The following SORCS2 variants were observed in gnomAD, a reference collection of about 807,000 sequenced individuals.
The protein encoded by SORCS2 is sortilin related VPS10 domain containing receptor 2, also known as VPS10 domain-containing receptor SorCS2.
A neutral mutation model predicts 141.6 loss-of-function variants in SORCS2; 100 were observed. The observed-to-expected ratio is 0.71, with a 90% CI of 0.60 to 0.83. SORCS2 has a LOEUF of 0.83. Ranked by LOEUF, SORCS2 falls within the 40% of genes least tolerant of loss-of-function variation. SORCS2 has a pLI of 0.00. For synonymous variants in SORCS2, 789 were observed against 676.9 expected (o/e 1.17, Z -2.57); for missense variants, 1,646 against 1,560.2 (o/e 1.05, Z -0.93).
chr4:7,693,870 C>T (rs1235275899), intron 11 of SORCS2, among the ~76,000 whole-genome samples: 1 of 152,242 alleles, frequency 6.6e-6, no homozygotes, highest in Non-Finnish European at 1.5e-5. Context: ...GCCCTTGGGC[C>T]TGGCTGAGGG....
At chr4:7,513,861 T>C (rs1464965840) in intron 2 of SORCS2, among the ~76,000 whole-genome samples, 2 of 152,196 alleles carry the variant, frequency 1.3e-5, no homozygotes, top group African/African-American at 4.8e-5. Context: ...TTCCCCGCCT[T>C]TGGTTTGCTT....
intron 3 of SORCS2, among the ~76,000 whole-genome samples, chr4:7,583,921 C>G (rs555560429): frequency 6.6e-6 from 1 of 152,194 alleles, no homozygotes; most frequent in Non-Finnish European, 1.5e-5. Context: ...AGACCAGAGT[C>G]CTGCCTCTAA....
chr4:7,333,933 C>T (rs191794488), intron 1 of SORCS2, among the ~76,000 whole-genome samples: 2 of 151,998 alleles, frequency 1.3e-5, no homozygotes, highest in Admixed American at 1.3e-4. Context: ...GGCCTCTGAT[C>T]CCGCTTCTCC....
At chr4:7,306,535 T>C (rs549036781) in intron 1 of SORCS2, among the ~76,000 whole-genome samples, 1 of 152,084 alleles carries the variant, frequency 6.6e-6, no homozygotes, top group South Asian at 2.1e-4. Flanking sequence ...AGGGGCTGGG[T>C]TGGGGGGTGT....
chr4:7,737,147 T>G lies in SORCS2; in HGVS notation c.3390T>G (p.Ser1130Arg). 13 of 1,551,238 alleles carry G rather than the reference T, an allele frequency of 8.4e-6. No homozygotes were observed. Among genetic ancestry groups the G allele is most frequent in the Non-Finnish European group, 1.1e-5 (13 of 1,146,880 alleles). ...AGATGACCAGCCCTGTGAGTCACAG[T>G]GAGGACGTCCAGGGCGCTGTCCAGG... is the stretch of plus-strand genomic sequence containing the variant. Reference protein sequence around the residue: ...EQEMTSPVSHSEDVQGAVQGN... With the variant: ...EQEMTSPVSHREDVQGAVQGN... Residue 1130 changes from serine (S) to arginine (R), a missense_variant, in exon 26 of 27, where the codon AGT (serine) becomes AGG (arginine). Transcript: ENST00000507866.
rs764307534 is a variant in SORCS2 at position 7,593,843 on chromosome 4, C to T, written c.649-44485C>T. On this transcript the variant is annotated intron_variant, in intron 3 of 26. Transcript: ENST00000507866. ...TTATGGTTAAACTCATCAACTCCGG[C>T]GATACCTCTGCCCCTCTCGGGAGCC... Among the ~76,000 whole-genome samples the T allele has an allele frequency of 9.9e-5, 15 of 152,172 alleles. 1 individual carries two copies. Among genetic ancestry groups the T allele is most frequent in the Admixed American group, 2.6e-4 (4 of 15,278 alleles).
rs868779535 is a variant in SORCS2 at position 7,605,795 on chromosome 4, G to A, written c.649-32533G>A. Among the ~76,000 whole-genome samples the A allele has an allele frequency of 3.9e-4, 60 of 152,182 alleles. 1 individual carries two copies. Among genetic ancestry groups the A allele is most frequent in the Middle Eastern group, 3.4e-3 (1 of 294 alleles). On this transcript the variant is annotated intron_variant, in intron 3 of 26. Coordinates refer to ENST00000507866, the MANE Select transcript of SORCS2 (RefSeq NM_020777.3). ...GGCTTGGTGCTGGTCCTGGGAGGGG[G>A]TCTTGGGGGTGAGGAGCAGGGGGAA...
At chr4:7,272,553 A>C (rs1314095281) in intron 1 of SORCS2, among the ~76,000 whole-genome samples, 1 of 152,178 alleles carries the variant, frequency 6.6e-6, no homozygotes, top group African/African-American at 2.4e-5. Flanking sequence ...ACAGGCTAGG[A>C]CCTGCTGTAA....
Position 7,483,420 on chromosome 4 carries a change from G to T in SORCS2, c.549-48110G>T, listed in dbSNP as rs114741715. ...CAGCTGCCAGCCAAAGAACGCAGGA[G>T]TTTGCCCACCATGCCAGATGCTAAA... is the stretch of plus-strand genomic sequence containing the variant. On this transcript the variant is annotated intron_variant, in intron 2 of 26. Transcript: ENST00000507866. 9.0e-3 allele frequency among the ~76,000 whole-genome samples: 1,367 copies of T among 152,046 alleles called. 18 individuals carry two copies. The highest frequency in any genetic ancestry group is 0.032 in the African/African-American group (1,310 of 41,442).
intron 3 of SORCS2, among the ~76,000 whole-genome samples, chr4:7,532,464 C>T (rs1216140322): frequency 6.6e-6 from 1 of 152,244 alleles, no homozygotes; most frequent in Admixed American, 6.5e-5. Context: ...GGCCCCTGTG[C>T]TCAGCTCTAA....
chr4:7,562,422 G>A (rs1405244725), intron 3 of SORCS2, among the ~76,000 whole-genome samples: 5 of 152,194 alleles, frequency 3.3e-5, no homozygotes, highest in Non-Finnish European at 5.9e-5. Flanking sequence ...TGGGGAGACA[G>A]TAGGCTGTGA....
In SORCS2 at chr4:7,726,913, T is replaced by G; in HGVS notation, c.2869+10T>G. The G allele has an allele frequency of 6.2e-7, 1 of 1,610,004 alleles. No individual in the cohort carries two copies. ...GTCCTCCGTGTGCTGGGTAAGTACT[T>G]CCTGGGGTCTGGCAGCACGGCCTCT... is the stretch of plus-strand genomic sequence containing the variant. On this transcript the variant is annotated intron_variant, in intron 21 of 26. Transcript: ENST00000507866.
intron 3 of SORCS2, among the ~76,000 whole-genome samples, chr4:7,552,961 T>G (rs1391079800): frequency 6.6e-6 from 1 of 151,944 alleles, no homozygotes; most frequent in African/African-American, 2.4e-5. Context: ...AAGGCAGAAC[T>G]AGGAAGGGAG....
rs186764289 is a variant in SORCS2, at chr4:7,222,828, C to A, written c.480+29702C>A. 2.7e-4 allele frequency among the ~76,000 whole-genome samples: 41 copies of A among 152,132 alleles called. No individual in the cohort carries two copies. In the East Asian group the frequency reaches 7.3e-3, roughly 27 times the overall value. On this transcript the variant is annotated intron_variant, in intron 1 of 26. Coordinates refer to ENST00000507866, the MANE Select transcript of SORCS2 (RefSeq NM_020777.3). ...GCAGCTGTGGTCTCCCTGGGGTGGT[C>A]ATGGGGCTGGCCTGGGGAGGGTTTT...
rs751505948 is a variant in SORCS2 at position 7,664,431 on chromosome 4, A to G, written c.1031A>G (p.His344Arg). Residue 344 changes from histidine (H) to arginine (R), a missense_variant, in exon 7 of 27, where the codon CAC becomes CGC. His to Arg is a conservative substitution (Grantham distance 29). Coordinates refer to ENST00000507866, the MANE Select transcript of SORCS2 (RefSeq NM_020777.3). This position sits in a 1 kb window ranked among gnomAD's most constrained non-coding sequence, Gnocchi z 4.7. ...GCCCCATTCGCAGGCCCCATTGACC[A>G]CGGGTCTCTGACCGTGCAGGACGAT... ...LTAPFAGPID[H>R]GSLTVQDDYI... The G allele has an allele frequency of 1.2e-6, 2 of 1,613,842 alleles. No individual in the cohort carries two copies. The highest frequency in any genetic ancestry group is 1.7e-5 in the Admixed American group (1 of 60,012).
chr4:7,328,288 G>T lies in SORCS2; in HGVS notation c.481-68000G>T, dbSNP rs113527696. On this transcript the variant is annotated intron_variant, in intron 1 of 26. Transcript: ENST00000507866. Reference sequence around the variant, plus strand: ...TGGCTTCAAGTGATCCACCCACCTTGGCCTCCCAAAGTGCTGGGTTTACAG... The same window carrying T: ...TGGCTTCAAGTGATCCACCCACCTTTGCCTCCCAAAGTGCTGGGTTTACAG... 6.2e-3 allele frequency among the ~76,000 whole-genome samples: 940 copies of T among 150,724 alleles called. 11 individuals carry two copies. The highest frequency in any genetic ancestry group is 0.021 in the African/African-American group (863 of 40,958).
chr4:7,527,498 G>A (rs908281919), intron 2 of SORCS2, among the ~76,000 whole-genome samples: 4 of 152,194 alleles, frequency 2.6e-5, no homozygotes, highest in Non-Finnish European at 5.9e-5. Flanking sequence ...ACTGCAGGAG[G>A]TCGCTAGCAG....
At chr4:7,267,098 T>C (rs923425740) in intron 1 of SORCS2, among the ~76,000 whole-genome samples, 1 of 152,080 alleles carries the variant, frequency 6.6e-6, no homozygotes, top group Admixed American at 6.5e-5. Flanking sequence ...TCTCAATAAA[T>C]ATTTATTGCA....
intron 2 of SORCS2, among the ~76,000 whole-genome samples, chr4:7,435,173 C>A (rs1727216013): frequency 6.6e-6 from 1 of 152,292 alleles, no homozygotes; most frequent in African/African-American, 2.4e-5. Context: ...CTCCTGGCCC[C>A]TGGGCTGTGT....
Sources: gnomAD v4.1 joint callset for allele counts (sites outside exome capture counted in the v4.1 genomes callset) on GRCh38, gnomAD v4.1.1 for gene constraint, Gnocchi (gnomAD v3.1) non-coding constraint, MANE v1.5 for transcripts, NCBI Gene and HGNC (gene_info 2026-07-23, HGNC 2026-07-21) for gene names.